Variants in TRPV6 observed in about 807,000 individuals in gnomAD.
TRPV6 encodes Alu-binding protein with zinc finger domain.
TRPV6 carries 39 observed loss-of-function variants against 79.0 expected under a neutral mutation model. That is an observed-to-expected ratio of 0.49 (90% CI 0.38 to 0.64). The LOEUF is 0.64. Among genes scored for constraint, TRPV6 ranks in the 30% least tolerant of loss-of-function variants. The pLI, the probability that TRPV6 is intolerant of heterozygous loss-of-function variation, is 0.00. For synonymous variants in TRPV6, 373 were observed against 391.9 expected, an observed-to-expected ratio of 0.95 and a Z score of 0.57; for missense variants, 813 against 1,011.1, an observed-to-expected ratio of 0.80 and a Z score of 2.66.
intron 3 of TRPV6, 118 bp from the exon 4 acceptor site, chr7:142,877,397 T>A (rs4987655): frequency 6.6e-7 from 1 of 1,518,812 alleles, no homozygotes; most frequent in Admixed American, 2.1e-5. Flanking sequence ...AACAGGGAGC[T>A]CTCGGGTGTT....
intron 10 of TRPV6, 117 bp from the exon 11 acceptor site, chr7:142,874,773 A>G (rs1795018842): frequency 6.4e-7 from 1 of 1,550,700 alleles, no homozygotes; most frequent in East Asian, 2.3e-5. Flanking sequence ...CCCACACTCA[A>G]TGCCCAGGGT....
chr7:142,871,631 G>A lies in TRPV6; in HGVS notation c.*76C>T. Reference sequence around the variant, plus strand: ...GGGGCCTGGGAGATGAGACCTCTGGGTGTTTGGTTTTTGTTTTGTTTGATG... The same window carrying A: ...GGGGCCTGGGAGATGAGACCTCTGGATGTTTGGTTTTTGTTTTGTTTGATG... On this transcript the variant is annotated 3_prime_UTR_variant, in exon 15 of 15. Transcript: ENST00000359396. The A allele has an allele frequency of 1.3e-6, 2 of 1,514,330 alleles. No homozygotes were observed. Among genetic ancestry groups the A allele is most frequent in the South Asian group, 1.3e-5 (1 of 75,840 alleles). The allele number at this position is 1,514,330 out of a possible 1,614,324, so 93.8% of individuals were successfully genotyped here.
At position 142,872,402 on chromosome 7, in the gene TRPV6, TC is replaced by T; in HGVS notation, c.1984del (p.Glu662SerfsTer46). 1 of 1,614,032 alleles carries T rather than the reference TC, an allele frequency of 6.2e-7. No individual in the cohort carries two copies. Among genetic ancestry groups the T allele is most frequent in the Non-Finnish European group, 8.5e-7 (1 of 1,180,004 alleles). ...GAACCAGCGGTCTCCCAGGCCATAC[TC>T]CCGTCCGCAGATCCCGGAGCGAGGC... On this transcript the variant is annotated frameshift_variant, in exon 14 of 15. Coordinates refer to ENST00000359396, the MANE Select transcript of TRPV6 (RefSeq NM_018646.6). LOFTEE classifies it low-confidence loss of function (END_TRUNC).
At chr7:142,878,244 T>C (rs759883119) in intron 1 of TRPV6, 25 of 592,582 alleles carry the variant, frequency 4.2e-5, no homozygotes, top group Non-Finnish European at 6.6e-5. Flanking sequence ...CGTTTTGAGA[T>C]TGTCCGTGAC....
intron 4 of TRPV6, 100 bp downstream of exon 4, chr7:142,877,042 C>G (rs987808470): frequency 2.8e-5 from 42 of 1,492,812 alleles, no homozygotes; most frequent in Non-Finnish European, 3.8e-5. Flanking sequence ...CCCAGCTGCC[C>G]AACAGATACG....
At chr7:142,877,331 G>A in intron 3 of TRPV6, 52 bp from the exon 4 acceptor site, 1 of 1,601,492 alleles carries the variant, frequency 6.2e-7, no homozygotes. Context: ...ATCCTGCAGG[G>A]GGTCCCTCCC....
rs201398550 is a variant in TRPV6, at chr7:142,874,654, A to C, written c.1409T>G (p.Ile470Ser). 19 of 1,612,942 alleles carry C rather than the reference A, an allele frequency of 1.2e-5. No individual in the cohort carries two copies. Among genetic ancestry groups the C allele is most frequent in the Admixed American group, 1.7e-5 (1 of 59,882 alleles). ...CACCAGCACCATGAAGGCATAGGTGATGCTGGGGGAGCAGGGAGGAGGGTG... is the reference window on the plus strand; with the variant it reads ...CACCAGCACCATGAAGGCATAGGTGCTGCTGGGGGAGCAGGGAGGAGGGTG... The change falls in exon 11 of 15, where the codon ATC becomes AGC. Residue 470 changes from isoleucine to serine, a missense_variant and splice_region_variant. Physicochemically the swap from Ile to Ser is moderately radical, Grantham distance 142. This residue lies in a region of TRPV6 where 555 missense variants were observed against 631.0 expected (regional missense o/e 0.88). Coordinates refer to ENST00000359396, the MANE Select transcript of TRPV6 (RefSeq NM_018646.6).
At chr7:142,874,273 C>A in intron 11 of TRPV6, 131 bp from the exon 12 acceptor site, 1 of 1,194,388 alleles carries the variant, frequency 8.4e-7, no homozygotes. Flanking sequence ...CTATCTATGG[C>A]CTGTGGACCA....
rs1397841286 is a variant in TRPV6, at chr7:142,871,577, G to A, written c.*130C>T. On this transcript the variant is annotated 3_prime_UTR_variant, in exon 15 of 15. Coordinates refer to ENST00000359396, the MANE Select transcript of TRPV6 (RefSeq NM_018646.6). ...CAGTGATTCTCAACGTACATTCCTT[G>A]GCGTTCATGCTACTCCTCTTTCTCC... 4.5e-6 allele frequency: 5 copies of A among 1,108,418 alleles called. No individual in the cohort carries two copies. The highest frequency in any genetic ancestry group is 6.4e-6 in the Non-Finnish European group (5 of 778,774). The allele number at this position is 1,108,418 out of a possible 1,614,324, so 68.7% of individuals were successfully genotyped here.
rs764455020 is a variant in TRPV6, at chr7:142,875,614, G to A, written c.1096C>T (p.Arg366Trp). Residue 366 changes from arginine (R) to tryptophan (W), a missense_variant, in exon 8 of 15, where the codon CGG becomes TGG. This residue lies in a region of TRPV6 where 555 missense variants were observed against 631.0 expected (regional missense o/e 0.88). Transcript: ENST00000359396. Reference sequence around the variant, plus strand: ...GCACCCAGCATGCAGAAGTACGGCCGCCCGTACCGCTTCCACTTGAGGCTC... The same window carrying A: ...GCACCCAGCATGCAGAAGTACGGCCACCCGTACCGCTTCCACTTGAGGCTC... 2.2e-5 allele frequency: 35 copies of A among 1,613,692 alleles called. No homozygotes were observed. The highest frequency in any genetic ancestry group is 3.3e-4 in the Middle Eastern group (2 of 6,082).
chr7:142,878,958 G>A (rs970157695), intron 1 of TRPV6: 4 of 152,164 alleles, frequency 2.6e-5, no homozygotes, highest in Non-Finnish European at 5.9e-5. Context: ...AAAACCGGTG[G>A]CGATAAATCA....
rs965379509 is a variant in TRPV6, at chr7:142,873,930, C to T, written c.1639+146G>A. The T allele has an allele frequency of 6.0e-5, 66 of 1,106,800 alleles. No individual in the cohort carries two copies. Among genetic ancestry groups the T allele is most frequent in the Non-Finnish European group, 8.2e-5 (62 of 757,676 alleles). 68.6% of individuals were successfully genotyped at this position (1,106,800 alleles called of 1,614,324 possible). On this transcript the variant is annotated intron_variant, in intron 12 of 14. Coordinates refer to ENST00000359396, the MANE Select transcript of TRPV6 (RefSeq NM_018646.6). This position sits in a 1 kb window ranked among gnomAD's most constrained non-coding sequence, Gnocchi z 4.8. ...CCCTAACACTCCCGATTTTTCTCACCTCTGGAGGACGTCCCATCCTCTGAT... is the reference window on the plus strand; with the variant it reads ...CCCTAACACTCCCGATTTTTCTCACTTCTGGAGGACGTCCCATCCTCTGAT...
In TRPV6 at chr7:142,877,168, C is replaced by A. The variant is rs189956366; in HGVS notation, c.581G>T (p.Arg194Leu). ...AAAGTAGATGAGGTTGCAGGGACTA[C>A]GGCGGAAGGCAGTGCCTGTGGCTCT... The change falls in exon 4 of 15, where the codon CGT (arginine) becomes CTT (leucine). Residue 194 changes from arginine to leucine, a missense_variant. Arg to Leu is a moderately radical substitution (Grantham distance 102). Coordinates refer to ENST00000359396, the MANE Select transcript of TRPV6 (RefSeq NM_018646.6). The A allele has an allele frequency of 6.2e-7, 1 of 1,614,064 alleles. No homozygotes were observed. The highest frequency in any genetic ancestry group is 8.5e-7 in the Non-Finnish European group (1 of 1,180,030).
At chr7:142,872,961 A>G (rs1794975105) in intron 13 of TRPV6, among the ~76,000 whole-genome samples, 1 of 152,178 alleles carries the variant, frequency 6.6e-6, no homozygotes. Context: ...GTGTTTTTTA[A>G]ATGAGGATTT....
chr7:142,873,173 C>T lies in TRPV6; in HGVS notation c.1908+275G>A, dbSNP rs1310937208. On this transcript the variant is annotated intron_variant, in intron 13 of 14. Transcript: ENST00000359396. This position sits in a 1 kb window ranked among gnomAD's most constrained non-coding sequence, Gnocchi z 4.8. ...ATGTACTGAGTGCAATTTTAGCCAACGTTAATTTTCTTTTGATTTATTTCT... is the reference window on the plus strand; with the variant it reads ...ATGTACTGAGTGCAATTTTAGCCAATGTTAATTTTCTTTTGATTTATTTCT... 2.6e-5 allele frequency among the ~76,000 whole-genome samples: 4 copies of T among 152,134 alleles called. No individual in the cohort carries two copies. The highest frequency in any genetic ancestry group is 2.1e-4 in the South Asian group (1 of 4,832).
In TRPV6 at chr7:142,873,661, G is replaced by A. The variant is rs1794992454; in HGVS notation, c.1695C>T (p.Asp565=). The A allele has an allele frequency of 1.9e-6, 3 of 1,614,224 alleles. No homozygotes were observed. The highest frequency in any genetic ancestry group is 2.5e-6 in the Non-Finnish European group (3 of 1,180,044). Reference sequence around the variant, plus strand: ...AGGTGCTGAACAGGGCCATGGGGTAGTCGTAGAAGTGGCCTAGCTCCTCGG... The same window carrying A: ...AGGTGCTGAACAGGGCCATGGGGTAATCGTAGAAGTGGCCTAGCTCCTCGG... Residue 565 remains aspartate (D), a synonymous_variant, in exon 13 of 15, where the codon GAC becomes GAT. Transcript: ENST00000359396. The surrounding 1 kb of genome is among the most constrained non-coding windows in gnomAD (Gnocchi z 4.8).
chr7:142,872,492 C>T lies in TRPV6; in HGVS notation c.1909-14G>A, dbSNP rs377355439. ...GGTGGCCACAATCTGCGTATGGGAA[C>T]AAAAGGAGAAGTCAGAGATGAGGCT... On this transcript the variant is annotated splice_polypyrimidine_tract_variant and intron_variant, in intron 13 of 14. Coordinates refer to ENST00000359396, the MANE Select transcript of TRPV6 (RefSeq NM_018646.6). 5.0e-5 allele frequency: 81 copies of T among 1,608,064 alleles called. No homozygotes were observed. In the Middle Eastern group the frequency reaches 6.6e-4, roughly 13 times the overall value.
chr7:142,874,551 G>A lies in TRPV6; in HGVS notation c.1512C>T (p.Asn504=), dbSNP rs4987704. The A allele has an allele frequency of 0.083, 133,834 of 1,613,908 alleles. 6,233 individuals carry two copies. The highest frequency in any genetic ancestry group is 0.096 in the Non-Finnish European group (112,821 of 1,179,976). The change falls in exon 11 of 15, where the codon AAC becomes AAT. Residue 504 remains asparagine (N), a synonymous_variant. Coordinates refer to ENST00000359396, the MANE Select transcript of TRPV6 (RefSeq NM_018646.6). ...GGAATCCTCGGGCGAAGTACATGAC[G>A]TTGCACCAGCCCAGCACGAGTGCAA... is the stretch of plus-strand genomic sequence containing the variant.
At chr7:142,877,516 G>A (rs1021116663) in intron 3 of TRPV6, 135 bp downstream of exon 3, 1 of 1,483,536 alleles carries the variant, frequency 6.7e-7, no homozygotes, top group African/African-American at 1.4e-5. Context: ...TGACACGGAA[G>A]GGAGACAGAG....
Sources: allele counts gnomAD v4.1 joint callset (sites outside exome capture counted in the v4.1 genomes callset), GRCh38; gene constraint gnomAD v4.1.1; regional missense constraint gnomAD v4.1.1; non-coding constraint Gnocchi (gnomAD v3.1); transcripts MANE v1.5; gene names NCBI Gene and HGNC (gene_info 2026-07-23, HGNC 2026-07-21).